PCDHA8: variants seen among roughly 807,000 people sequenced by gnomAD.
The protein encoded by PCDHA8 is protocadherin alpha-8.
Under a neutral mutation model 61.8 loss-of-function variants are expected in PCDHA8, and 53 were observed. The ratio of observed to expected loss-of-function variants is 0.86; its 90% CI spans 0.69 to 1.08. The LOEUF is 1.08. Ranked by LOEUF, PCDHA8 falls within the 50% of genes least tolerant of loss-of-function variation. The pLI is 0.00. For missense variants in PCDHA8, 1,293 were observed against 1,245.0 expected (o/e 1.04, Z -0.58); for synonymous variants, 618 against 556.6 (o/e 1.11, Z -1.55).
intron 1 of PCDHA8, among the ~76,000 whole-genome samples, chr5:140,974,864 C>A (rs949061887): frequency 3.9e-5 from 6 of 152,124 alleles, no homozygotes; most frequent in Non-Finnish European, 8.8e-5. Flanking sequence ...TGCCTTAATG[C>A]GGAACAGTCT....
At chr5:140,876,133 GAACT>G (rs782651538) in intron 1 of PCDHA8, 8 of 1,613,820 alleles carry the variant, frequency 5.0e-6, no homozygotes, top group East Asian at 2.2e-5. Flanking sequence ...CGGTAAACCA[GAACT>G]AACAGGGTCT....
Position 141,011,124 on chromosome 5 carries a change from G to A in PCDHA8, c.*1187G>A, listed in dbSNP as rs893951024. ...TCTCTCTTTTCTAAGAAACAATTAT[G>A]TGCACTTTGATACACAACCTTCTCT... On this transcript the variant is annotated 3_prime_UTR_variant, in exon 4 of 4. Transcript: ENST00000531613. 1 of 153,618 alleles carries A rather than the reference G, an allele frequency of 6.5e-6. No individual in the cohort carries two copies. The highest frequency in any genetic ancestry group is 2.4e-5 in the African/African-American group (1 of 41,382). 9.5% of individuals were successfully genotyped at this position (153,618 alleles called of 1,614,324 possible).
intron 3 of PCDHA8, among the ~76,000 whole-genome samples, chr5:141,007,475 C>G (rs575810038): frequency 1.3e-5 from 2 of 151,322 alleles, no homozygotes; most frequent in Non-Finnish European, 2.9e-5. Context: ...GGCTGAGGCA[C>G]GAGAATTACT....
At chr5:140,957,043 A>C (rs2095328677) in intron 1 of PCDHA8, among the ~76,000 whole-genome samples, 3 of 152,196 alleles carry the variant, frequency 2.0e-5, no homozygotes, top group Admixed American at 2.0e-4. Flanking sequence ...GGAGTCATAT[A>C]AAATAAATTA....
intron 1 of PCDHA8, among the ~76,000 whole-genome samples, chr5:140,916,255 C>G (rs1161014900): frequency 6.6e-6 from 1 of 152,144 alleles, no homozygotes. Context: ...ACTTGGGGAC[C>G]CCAAGAGCAT....
intron 1 of PCDHA8, among the ~76,000 whole-genome samples, chr5:140,924,441 G>A (rs144532137): frequency 1.3e-5 from 2 of 152,274 alleles, no homozygotes; most frequent in African/African-American, 4.8e-5. Context: ...AAGAGATAAC[G>A]AATGGGTTTG....
chr5:140,886,552 G>A (rs188986859), intron 1 of PCDHA8, among the ~76,000 whole-genome samples: 132 of 151,712 alleles, frequency 8.7e-4, no homozygotes, highest in Middle Eastern at 3.4e-3. Flanking sequence ...TCCCAGCTGG[G>A]CACGGTGGCT....
intron 1 of PCDHA8, chr5:140,864,039 A>G (rs1287126881): frequency 6.5e-6 from 1 of 152,908 alleles, no homozygotes; most frequent in Non-Finnish European, 1.5e-5. Context: ...CATCTTAATC[A>G]CTTTTTACTA....
At chr5:140,871,297 G>T (rs781824958) in intron 1 of PCDHA8, 1 of 1,613,896 alleles carries the variant, frequency 6.2e-7, no homozygotes, top group Non-Finnish European at 8.5e-7. Flanking sequence ...GGGCGCGTGC[G>T]CGCCGGGGAA....
rs1469484046 is a variant in PCDHA8 at position 141,010,169 on chromosome 5, C to G, written c.*232C>G. ...CTCCACTCTGGCTTGTTTTCAGAAC[C>G]TAAAAAGCAGACCCAAGTTTCCTTT... On this transcript the variant is annotated 3_prime_UTR_variant, in exon 4 of 4. Coordinates refer to ENST00000531613, the MANE Select transcript of PCDHA8 (RefSeq NM_018911.3). 6.4e-7 allele frequency: 1 copy of G among 1,560,124 alleles called. No homozygotes were observed. The highest frequency in any genetic ancestry group is 8.7e-7 in the Non-Finnish European group (1 of 1,151,276).
chr5:140,997,357 A>G (rs1309712075), intron 3 of PCDHA8, among the ~76,000 whole-genome samples: 1 of 152,218 alleles, frequency 6.6e-6, no homozygotes, highest in Non-Finnish European at 1.5e-5. Flanking sequence ...ATGTACTTAC[A>G]TAAACCTAGA....
chr5:140,882,059 A>C, intron 1 of PCDHA8: 1 of 799,024 alleles, frequency 1.3e-6, no homozygotes, highest in Non-Finnish European at 1.9e-6. Flanking sequence ...TTACACTTAC[A>C]CGTTCATGCG....
chr5:140,968,293 G>A, intron 1 of PCDHA8: 1 of 1,613,962 alleles, frequency 6.2e-7, no homozygotes, highest in South Asian at 1.1e-5. Flanking sequence ...ACTCCCTTCT[G>A]GAGAGGGAGA....
At chr5:140,925,072 G>A (rs921580794) in intron 1 of PCDHA8, among the ~76,000 whole-genome samples, 10 of 149,184 alleles carry the variant, frequency 6.7e-5, no homozygotes, top group Admixed American at 2.0e-4. Flanking sequence ...AAAGCAACAC[G>A]CTCATCTGGA....
chr5:140,843,312 C>G lies in PCDHA8; in HGVS notation c.1991C>G (p.Thr664Arg). The part of the protein sequence containing the change: ...HGEPALTATA[T>R]VLVSLVESGQ... ...GAACCTGCGCTGACCGCCACGGCCA[C>G]GGTTCTGGTGTCGCTGGTGGAGAGC... Residue 664 changes from threonine (T) to arginine (R), a missense_variant, in exon 1 of 4, where the codon ACG becomes AGG. Coordinates refer to ENST00000531613, the MANE Select transcript of PCDHA8 (RefSeq NM_018911.3). The G allele has an allele frequency of 1.3e-6, 2 of 1,596,048 alleles. No individual in the cohort carries two copies. Among genetic ancestry groups the G allele is most frequent in the South Asian group, 1.1e-5 (1 of 90,508 alleles).
At chr5:140,897,353 T>C (rs1363658526) in intron 1 of PCDHA8, among the ~76,000 whole-genome samples, 3 of 116,194 alleles carry the variant, frequency 2.6e-5, no homozygotes, top group Non-Finnish European at 4.9e-5. Flanking sequence ...CCCACAACTG[T>C]CCCCAGAGTG....
chr5:140,908,276 A>T (rs1554193275), intron 1 of PCDHA8, among the ~76,000 whole-genome samples: 1 of 152,148 alleles, frequency 6.6e-6, no homozygotes, highest in Non-Finnish European at 1.5e-5. Context: ...CCATGAGGCC[A>T]TTGTTGCAAG....
rs2150445879 is a variant in PCDHA8 at position 140,849,707 on chromosome 5, C to G, written c.2394+5992C>G. Reference sequence around the variant, plus strand: ...AGCTGGTGTCCACCTACAAGAATTACTACTCGTTGGTGCTGGACAGAGCTC... The same window carrying G: ...AGCTGGTGTCCACCTACAAGAATTAGTACTCGTTGGTGCTGGACAGAGCTC... On this transcript the variant is annotated intron_variant, in intron 1 of 3. Coordinates refer to ENST00000531613, the MANE Select transcript of PCDHA8 (RefSeq NM_018911.3). The G allele has an allele frequency of 3.1e-6, 5 of 1,598,540 alleles. No homozygotes were observed. The South Asian group carries it at 3.3e-5, about 11-fold the overall frequency.
intron 1 of PCDHA8, among the ~76,000 whole-genome samples, chr5:140,954,419 T>TG (rs1413660060): frequency 1.3e-5 from 2 of 151,998 alleles, no homozygotes; most frequent in African/African-American, 4.8e-5. Context: ...AAGGTGTTCC[T>TG]TTTTCTCCAT....
Sources: gnomAD v4.1 joint callset for allele counts (sites outside exome capture counted in the v4.1 genomes callset) on GRCh38, gnomAD v4.1.1 for gene constraint, MANE v1.5 for transcripts, NCBI Gene and HGNC (gene_info 2026-07-23, HGNC 2026-07-21) for gene names.